KCNIP4: variants seen among roughly 807,000 people sequenced by gnomAD.
KCNIP4 encodes the protein Kv channel-interacting protein 4.
In KCNIP4, 12 loss-of-function variants were observed where a neutral mutation model predicts 34.0. That is an observed-to-expected ratio of 0.35 (90% CI 0.23 to 0.57). The LOEUF is 0.57. Among genes scored for constraint, KCNIP4 ranks in the 20% least tolerant of loss-of-function variants. The pLI is 0.83. For synonymous variants in KCNIP4, 124 were observed against 102.2 expected, an observed-to-expected ratio of 1.21 and a Z score of -1.29; for missense variants, 238 against 311.7, an observed-to-expected ratio of 0.76 and a Z score of 1.78.
chr4:21,317,494 C>G (rs761353007), intron 1 of KCNIP4, among the ~76,000 whole-genome samples: 1 of 152,058 alleles, frequency 6.6e-6, no homozygotes, highest in Non-Finnish European at 1.5e-5. Context: ...GGGTTGTTAA[C>G]GATAATGTTG....
rs1276234904 is a variant in KCNIP4 at position 21,304,069 on chromosome 4, CAG to C, written c.62-421362_62-421361del. The C allele has an allele frequency of 4.5e-3, 617 of 137,204 alleles. 1 individual carries two copies. Among genetic ancestry groups the C allele is most frequent in the South Asian group, 6.0e-3 (25 of 4,184 alleles). 8.5% of individuals were successfully genotyped at this position (137,204 alleles called of 1,614,324 possible). A position where few individuals can be genotyped will look rare whatever the true frequency, so the allele number is the denominator to read the frequency against. On this transcript the variant is annotated intron_variant, in intron 1 of 8. Transcript: ENST00000382152. ...AGAGAGAGAGAGAGAGAGAGAGAGA[CAG>C]AGAGAGAGAGAGAGACAGAGAGAGA...
In KCNIP4 at chr4:21,400,524, T is replaced by TCCA. The variant is rs1560369273; in HGVS notation, c.62-517816_62-517815insTGG. On this transcript the variant is annotated intron_variant, in intron 1 of 8. Coordinates refer to ENST00000382152, the MANE Select transcript of KCNIP4 (RefSeq NM_025221.6). ...CTTCCCCTCCCTTCCTCTTCTCTTCTCTTCTCTTCTCTTCTCTTCTCTTCT... is the reference window on the plus strand; with the variant it reads ...CTTCCCCTCCCTTCCTCTTCTCTTCTCCACTTCTCTTCTCTTCTCTTCTCTTCT... Among the ~76,000 whole-genome samples, 101 of 37,706 alleles carry TCCA rather than the reference T, an allele frequency of 2.7e-3. 2 individuals are homozygous for TCCA. In the East Asian group the frequency reaches 0.03, roughly 11 times the overall value. The allele number at this position is 37,706 out of a possible 152,430, so 24.7% of individuals were successfully genotyped here.
intron 1 of KCNIP4, among the ~76,000 whole-genome samples, chr4:21,287,761 G>T (rs1763207804): frequency 6.6e-6 from 1 of 152,006 alleles, no homozygotes; most frequent in African/African-American, 2.4e-5. Context: ...AGACTAATTA[G>T]GGCTCCCAGG....
intron 1 of KCNIP4, among the ~76,000 whole-genome samples, chr4:21,686,591 T>G (rs1750819235): frequency 6.6e-6 from 1 of 152,152 alleles, no homozygotes; most frequent in Non-Finnish European, 1.5e-5. Context: ...ATGTATGACT[T>G]TTTAAATAAA....
intron 1 of KCNIP4, chr4:21,315,236 G>C (rs1000331260): frequency 6.5e-5 from 10 of 154,360 alleles, no homozygotes; most frequent in African/African-American, 2.4e-4. Context: ...TGCCACCTCT[G>C]AGACAGCAAG....
At chr4:21,464,455 T>C (rs976294136) in intron 1 of KCNIP4, among the ~76,000 whole-genome samples, 5 of 152,104 alleles carry the variant, frequency 3.3e-5, no homozygotes, top group Non-Finnish European at 7.4e-5. Flanking sequence ...AGACCATTGA[T>C]TACTCAAGAG....
rs770291756 is a variant in KCNIP4 at position 21,005,071 on chromosome 4, C to T, written c.62-122362G>A. Among the ~76,000 whole-genome samples, 17 of 152,122 alleles carry T rather than the reference C, an allele frequency of 1.1e-4. 1 individual carries two copies. Among genetic ancestry groups the T allele is most frequent in the Non-Finnish European group, 2.9e-5 (2 of 68,008 alleles). ...TCATGTGAATAGCAAAAGTATAGAC[C>T]TTTTCATATAAAATATTGTACTATT... On this transcript the variant is annotated intron_variant, in intron 1 of 8. Transcript: ENST00000382152.
chr4:21,871,547 A>C (rs1165642913), intron 1 of KCNIP4, among the ~76,000 whole-genome samples: 1 of 151,880 alleles, frequency 6.6e-6, no homozygotes, highest in East Asian at 1.9e-4. Flanking sequence ...CAAGGACAGA[A>C]AACCAAACAC....
chr4:20,868,551 CT>C (rs1723099433), intron 2 of KCNIP4, among the ~76,000 whole-genome samples: 1 of 152,128 alleles, frequency 6.6e-6, no homozygotes, highest in South Asian at 2.1e-4. Context: ...ATGTTCATCA[CT>C]GTGCTCTTCA....
chr4:21,775,520 C>T (rs967883181), intron 1 of KCNIP4, among the ~76,000 whole-genome samples: 2 of 152,172 alleles, frequency 1.3e-5, no homozygotes, highest in African/African-American at 4.8e-5. Context: ...TCGGGGGAAA[C>T]CCATTTGTCT....
chr4:20,801,237 A>T (rs2149417482), intron 3 of KCNIP4, among the ~76,000 whole-genome samples: 1 of 152,146 alleles, frequency 6.6e-6, no homozygotes, highest in East Asian at 1.9e-4. Flanking sequence ...AGCAAAAGCT[A>T]AATCCATCAC....
Position 21,053,168 on chromosome 4 carries a change from T to C in KCNIP4, c.62-170459A>G, listed in dbSNP as rs201576401. ...AAAGATTCAGTGGGGTCAATGGAAA[T>C]CAAGAAGAGGGCAGTCTTGGCAGTT... On this transcript the variant is annotated intron_variant, in intron 1 of 8. Transcript: ENST00000382152. Among the ~76,000 whole-genome samples the C allele has an allele frequency of 2.0e-4, 30 of 152,198 alleles. No homozygotes were observed. In the East Asian group the frequency reaches 5.8e-3, roughly 29 times the overall value.
intron 1 of KCNIP4, among the ~76,000 whole-genome samples, chr4:21,021,591 G>T (rs1026339854): frequency 5.9e-4 from 89 of 151,652 alleles, no homozygotes; most frequent in African/African-American, 2.0e-3. Flanking sequence ...AGAAATTTTT[G>T]TTAAAGGCTA....
Position 20,999,537 on chromosome 4 carries a change from G to A in KCNIP4, c.62-116828C>T, listed in dbSNP as rs73245208. On this transcript the variant is annotated intron_variant, in intron 1 of 8. Transcript: ENST00000382152. ...AAATGTGTCCTTCAGAACGATCACCGTGGTTGCTGTGTGGACAAGTGATTG... is the reference window on the plus strand; with the variant it reads ...AAATGTGTCCTTCAGAACGATCACCATGGTTGCTGTGTGGACAAGTGATTG... Among the ~76,000 whole-genome samples, 1,385 of 150,198 alleles carry A rather than the reference G, an allele frequency of 9.2e-3. 15 individuals carry two copies. The highest frequency in any genetic ancestry group is 0.021 in the Middle Eastern group (6 of 290).
chr4:20,847,301 C>T (rs981940176), intron 3 of KCNIP4, among the ~76,000 whole-genome samples: 4 of 152,094 alleles, frequency 2.6e-5, no homozygotes, highest in African/African-American at 9.7e-5. Flanking sequence ...TGAGTGACAC[C>T]GAAGCTTATG....
intron 1 of KCNIP4, among the ~76,000 whole-genome samples, chr4:21,920,492 T>G (rs1340009545): frequency 2.6e-5 from 4 of 152,074 alleles, no homozygotes; most frequent in Non-Finnish European, 2.9e-5. Flanking sequence ...GGGTGAGGAA[T>G]AAAAGGCTTC....
At chr4:20,761,534 G>A (rs1277757454) in intron 3 of KCNIP4, among the ~76,000 whole-genome samples, 1 of 152,168 alleles carries the variant, frequency 6.6e-6, no homozygotes, top group Non-Finnish European at 1.5e-5. Flanking sequence ...AGTTGCTTGG[G>A]ATAGTAAGGA....
intron 1 of KCNIP4, among the ~76,000 whole-genome samples, chr4:21,867,334 T>A (rs1467641050): frequency 1.3e-5 from 2 of 152,098 alleles, no homozygotes; most frequent in African/African-American, 4.8e-5. Flanking sequence ...CATAAAAAAA[T>A]TTACCAGAGG....
At chr4:21,794,818 G>T (rs1360407034) in intron 1 of KCNIP4, among the ~76,000 whole-genome samples, 1 of 152,132 alleles carries the variant, frequency 6.6e-6, no homozygotes, top group African/African-American at 2.4e-5. Flanking sequence ...GGCGGAGGTT[G>T]CAGTGAGCTG....
Sources: gnomAD v4.1 joint callset for allele counts (sites outside exome capture counted in the v4.1 genomes callset) on GRCh38, gnomAD v4.1.1 for gene constraint, MANE v1.5 for transcripts, NCBI Gene and HGNC (gene_info 2026-07-23, HGNC 2026-07-21) for gene names.